The following CCDC7 variants were observed in gnomAD, a reference collection of about 807,000 sequenced individuals.
CCDC7 encodes coiled-coil domain-containing protein 7.
Under a neutral mutation model 196.9 loss-of-function variants are expected in CCDC7, and 183 were observed. That is an observed-to-expected ratio of 0.93 (90% confidence interval 0.82 to 1.05). The LOEUF (loss-of-function observed/expected upper bound fraction) is 1.05, where lower values mean the gene tolerates loss of function less well. Among genes scored for constraint, CCDC7 ranks in the 50% least tolerant of loss-of-function variants. The pLI is 0.00. For synonymous variants in CCDC7, 525 were observed against 484.6 expected (o/e 1.08, Z -1.10); for missense variants, 1,540 against 1,482.2 (o/e 1.04, Z -0.64).
intron 18 of CCDC7, among the ~76,000 whole-genome samples, chr10:32,590,546 C>T (rs2059689975): frequency 6.6e-6 from 1 of 151,982 alleles, no homozygotes; most frequent in Non-Finnish European, 1.5e-5. Context: ...TTATACTATT[C>T]TCTGTTTTTC....
intron 28 of CCDC7, among the ~76,000 whole-genome samples, chr10:32,776,924 C>G (rs905857632): frequency 1.3e-5 from 2 of 151,862 alleles, no homozygotes; most frequent in African/African-American, 4.8e-5. Flanking sequence ...CAGCTTCTAT[C>G]TTAGAAGCAG....
intron 28 of CCDC7, among the ~76,000 whole-genome samples, chr10:32,743,123 A>G (rs954771265): frequency 2.0e-5 from 3 of 152,198 alleles, no homozygotes; most frequent in Non-Finnish European, 4.4e-5. Context: ...TGCTGTAAAC[A>G]TCCATGTGCA....
chr10:32,822,017 C>G (rs141497025), intron 31 of CCDC7, among the ~76,000 whole-genome samples: 1 of 150,700 alleles, frequency 6.6e-6, no homozygotes, highest in Non-Finnish European at 1.5e-5. Context: ...AAAAATCTAC[C>G]AACCAATAAT....
At chr10:32,594,909 C>T (rs924989205) in intron 18 of CCDC7, among the ~76,000 whole-genome samples, 10 of 152,138 alleles carry the variant, frequency 6.6e-5, no homozygotes, top group African/African-American at 1.2e-4. Context: ...CCAACTTGAT[C>T]GTGGTGGATA....
intron 1 of CCDC7, 127 bp downstream of exon 1, chr10:32,446,524 T>C (rs899323231): frequency 6.6e-6 from 1 of 152,440 alleles, no homozygotes; most frequent in Non-Finnish European, 1.5e-5. Context: ...CTGCTTTTTA[T>C]GCAGGATGTA....
At chr10:32,621,558 G>A (rs1264956977) in intron 18 of CCDC7, among the ~76,000 whole-genome samples, 2 of 152,114 alleles carry the variant, frequency 1.3e-5, no homozygotes, top group African/African-American at 4.8e-5. Flanking sequence ...GAAGTCCCAT[G>A]ATATGCCATC....
chr10:32,462,863 C>G, intron 4 of CCDC7, 154 bp from the exon 6 acceptor site: 2 of 1,305,490 alleles, frequency 1.5e-6, no homozygotes, highest in Non-Finnish European at 1.1e-6. Flanking sequence ...TGCATTAGCC[C>G]CATTCTGAAT....
chr10:32,857,174 G>C (rs1180910706), intron 41 of CCDC7, among the ~76,000 whole-genome samples: 5 of 152,138 alleles, frequency 3.3e-5, no homozygotes, highest in South Asian at 2.1e-4. Context: ...CCCAGAATGA[G>C]AGCCACTGCA....
intron 28 of CCDC7, among the ~76,000 whole-genome samples, chr10:32,735,500 T>A (rs549738199): frequency 6.6e-6 from 1 of 152,334 alleles, no homozygotes; most frequent in South Asian, 2.1e-4. Context: ...TTATGTTTAT[T>A]TGCCATCTAT....
chr10:32,453,513 A>T (rs2033624324), intron 2 of CCDC7, 77 bp downstream of exon 3: 1 of 1,003,160 alleles, frequency 1.0e-6, no homozygotes, highest in East Asian at 3.6e-5. Flanking sequence ...ATAAATTTAA[A>T]ATATTTTCTT....
At chr10:32,455,223 G>A (rs151206327) in intron 2 of CCDC7, among the ~76,000 whole-genome samples, 10 of 151,484 alleles carry the variant, frequency 6.6e-5, no homozygotes, top group South Asian at 4.2e-4. Context: ...TTTTTTCCCC[G>A]TCTCCTATAT....
intron 25 of CCDC7, among the ~76,000 whole-genome samples, chr10:32,719,425 G>T (rs1263737265): frequency 6.6e-6 from 1 of 152,060 alleles, no homozygotes; most frequent in Admixed American, 6.6e-5. Context: ...AAAAACCCTA[G>T]AAGAAAACCT....
At chr10:32,747,950 A>G (rs1420981720) in intron 28 of CCDC7, among the ~76,000 whole-genome samples, 1 of 152,238 alleles carries the variant, frequency 6.6e-6, no homozygotes, top group Non-Finnish European at 1.5e-5. Context: ...TAGCAAAGAC[A>G]TAGAGTCAAC....
At chr10:32,653,629 T>C (rs2069195683) in intron 20 of CCDC7, among the ~76,000 whole-genome samples, 1 of 152,154 alleles carries the variant, frequency 6.6e-6, no homozygotes, top group Admixed American at 6.5e-5. Context: ...CTCTGGTGAT[T>C]CTATCTCAAA....
At chr10:32,453,372 G>A in exon 2 of CCDC7, 1 of 1,543,052 alleles carries the variant, frequency 6.5e-7, no homozygotes, top group Non-Finnish European at 8.7e-7. Flanking sequence ...GAAACCTATG[G>A]ACATTGCGAT....
chr10:32,607,863 T>C (rs1481964033), intron 18 of CCDC7, among the ~76,000 whole-genome samples: 1 of 152,172 alleles, frequency 6.6e-6, no homozygotes, highest in Non-Finnish European at 1.5e-5. Context: ...TTCAATTTTA[T>C]GGAATAGTTT....
At chr10:32,721,275 ATG>A (rs1565284761) in intron 25 of CCDC7, among the ~76,000 whole-genome samples, 1 of 152,136 alleles carries the variant, frequency 6.6e-6, no homozygotes, top group African/African-American at 2.4e-5. Flanking sequence ...CTCATGAAGA[ATG>A]TGTAGATTTC....
At chr10:32,836,291 G>A (rs1254079700) in intron 33 of CCDC7, among the ~76,000 whole-genome samples, 1 of 152,076 alleles carries the variant, frequency 6.6e-6, no homozygotes, top group Non-Finnish European at 1.5e-5. Flanking sequence ...TGTGGAGAAA[G>A]ATAATGTAGT....
At chr10:32,769,309 T>G (rs2078797457) in intron 28 of CCDC7, among the ~76,000 whole-genome samples, 1 of 152,128 alleles carries the variant, frequency 6.6e-6, no homozygotes, top group Admixed American at 6.5e-5. Context: ...ATTCATGTAC[T>G]CTGATAATCT....
Sources: gnomAD v4.1 joint callset for allele counts (sites outside exome capture counted in the v4.1 genomes callset) on GRCh38, gnomAD v4.1.1 for gene constraint, MANE v1.5 for transcripts, NCBI Gene and HGNC (gene_info 2026-07-23, HGNC 2026-07-21) for gene names.